The following TMEM120B variants were observed in gnomAD, a reference collection of about 807,000 sequenced individuals.
TMEM120B encodes the protein transmembrane protein 120B.
Under a neutral mutation model 55.5 loss-of-function variants are expected in TMEM120B, and 31 were observed. The observed-to-expected ratio is 0.56, with a 90% CI of 0.42 to 0.75. The LOEUF is 0.75. Ranked by LOEUF, TMEM120B falls within the 30% of genes least tolerant of loss-of-function variation. The pLI is 0.00. For synonymous variants in TMEM120B, 203 were observed against 176.3 expected (o/e 1.15, Z -1.20); for missense variants, 399 against 425.5 (o/e 0.94, Z 0.55).
In TMEM120B at chr12:121,779,656, T is replaced by C; in HGVS notation, c.*3934T>C. The stretch of plus-strand genomic sequence containing the variant: ...GCAGCTCGGATCTGTTCGCAGGCGC[T>C]CAGGCCCTGGGTGGGGGGAGGAGCC... On this transcript the variant is annotated 3_prime_UTR_variant, in exon 12 of 12. Coordinates refer to ENST00000449592, the MANE Select transcript of TMEM120B (RefSeq NM_001080825.2). 2 of 1,613,860 alleles carry C rather than the reference T, an allele frequency of 1.2e-6. No homozygotes were observed. The highest frequency in any genetic ancestry group is 2.2e-5 in the South Asian group (2 of 91,082).
At chr12:121,768,502 C>T (rs1335471361) in intron 6 of TMEM120B, among the ~76,000 whole-genome samples, 1 of 152,140 alleles carries the variant, frequency 6.6e-6, no homozygotes, top group African/African-American at 2.4e-5. Context: ...GTATGCGAGA[C>T]CCTGCCTGGA....
chr12:121,761,454 G>A (rs988340783), intron 5 of TMEM120B, among the ~76,000 whole-genome samples, 195 bp from the exon 6 acceptor site: 4 of 152,172 alleles, frequency 2.6e-5, no homozygotes, highest in Non-Finnish European at 4.4e-5. Context: ...AGGAGGTTCA[G>A]AGGCATTTGC....
At chr12:121,723,528 G>C (rs1417209174) in intron 1 of TMEM120B, among the ~76,000 whole-genome samples, 1 of 152,160 alleles carries the variant, frequency 6.6e-6, no homozygotes, top group Non-Finnish European at 1.5e-5. Context: ...AGTGGATGAA[G>C]GGGGCAGCAG....
intron 1 of TMEM120B, among the ~76,000 whole-genome samples, chr12:121,719,364 C>T (rs567420864): frequency 1.3e-5 from 2 of 152,182 alleles, no homozygotes; most frequent in East Asian, 1.9e-4. Flanking sequence ...GCAGGTAGAT[C>T]GCTTGAGCCC....
chr12:121,752,104 C>T lies in TMEM120B; in HGVS notation c.366-24C>T, dbSNP rs201812586. On this transcript the variant is annotated intron_variant, in intron 4 of 11. Coordinates refer to ENST00000449592, the MANE Select transcript of TMEM120B (RefSeq NM_001080825.2). ...GGAATAGTCATGGTAAGGGGCACACCCCTGGGCGTGTCTGTCGTGGCAGGT... is the reference window on the plus strand; with the variant it reads ...GGAATAGTCATGGTAAGGGGCACACTCCTGGGCGTGTCTGTCGTGGCAGGT... The T allele has an allele frequency of 3.8e-5, 61 of 1,599,412 alleles. 1 individual carries two copies. In the East Asian group the frequency reaches 1.3e-3, roughly 33 times the overall value.
chr12:121,754,658 G>T (rs1410075927), intron 5 of TMEM120B, among the ~76,000 whole-genome samples: 2 of 152,182 alleles, frequency 1.3e-5, no homozygotes, highest in Non-Finnish European at 2.9e-5. Context: ...TCCTTCCCTA[G>T]TGTAAGGACA....
chr12:121,747,154 T>A (rs899018972), intron 2 of TMEM120B, among the ~76,000 whole-genome samples: 4 of 151,882 alleles, frequency 2.6e-5, no homozygotes, highest in Admixed American at 2.6e-4. Context: ...GGCAGAGAGG[T>A]TTAAGGACTT....
Position 121,781,264 on chromosome 12 carries a change from G to C in TMEM120B, c.*5542G>C, listed in dbSNP as rs1874447889. 7.0e-7 allele frequency: 1 copy of C among 1,418,744 alleles called. No homozygotes were observed. The highest frequency in any genetic ancestry group is 2.3e-5 in the East Asian group (1 of 43,584). 87.9% of individuals were successfully genotyped at this position (1,418,744 alleles called of 1,614,324 possible). A position where few individuals can be genotyped will look rare whatever the true frequency, so the allele number is the denominator to read the frequency against. On this transcript the variant is annotated 3_prime_UTR_variant, in exon 12 of 12. Coordinates refer to ENST00000449592, the MANE Select transcript of TMEM120B (RefSeq NM_001080825.2). ...TGGACTCTGACGGGTGAAGGGGAAG[G>C]GGCCAGGCAAGTGACCCTGCCTTAG... is the stretch of plus-strand genomic sequence containing the variant.
chr12:121,730,991 A>T (rs1177352217), intron 1 of TMEM120B, among the ~76,000 whole-genome samples: 3 of 152,002 alleles, frequency 2.0e-5, no homozygotes, highest in African/African-American at 7.2e-5. Context: ...ATACTGTATG[A>T]TTCCACTTAC....
chr12:121,714,378 C>T (rs993684602), intron 1 of TMEM120B, among the ~76,000 whole-genome samples: 4 of 151,880 alleles, frequency 2.6e-5, no homozygotes, highest in Non-Finnish European at 5.9e-5. Context: ...GCCTCAGCCT[C>T]CTGAGTAGCT....
intron 5 of TMEM120B, among the ~76,000 whole-genome samples, chr12:121,755,176 G>A (rs1163761449): frequency 6.6e-6 from 1 of 152,182 alleles, no homozygotes; most frequent in Non-Finnish European, 1.5e-5. Context: ...CTCTTGGGAT[G>A]GTTTCCTGGC....
chr12:121,740,054 C>T (rs1025121554), intron 1 of TMEM120B, among the ~76,000 whole-genome samples: 3 of 152,042 alleles, frequency 2.0e-5, no homozygotes, highest in Non-Finnish European at 4.4e-5. Context: ...GTTGGGATTA[C>T]AGGCGTGAGC....
chr12:121,779,577 C>T lies in TMEM120B; in HGVS notation c.*3855C>T, dbSNP rs151204339. 23 of 1,614,028 alleles carry T rather than the reference C, an allele frequency of 1.4e-5. 1 individual carries two copies. The highest frequency in any genetic ancestry group is 6.6e-5 in the South Asian group (6 of 91,090). ...GCTGAGAGCCACCTTGGCGGCCTCC[C>T]GGAAGACGTCCTCCACATTCTCCCG... On this transcript the variant is annotated 3_prime_UTR_variant, in exon 12 of 12. Coordinates refer to ENST00000449592, the MANE Select transcript of TMEM120B (RefSeq NM_001080825.2).
At position 121,775,410 on chromosome 12, in the gene TMEM120B, C is replaced by T. The variant is rs1002681336; in HGVS notation, c.907-199C>T. ...AATCTGTGGATCCCAAGGAGGTTCG[C>T]CCCATCGAGCCCTTCCCAGGCCCTG... On this transcript the variant is annotated intron_variant, in intron 11 of 11. Transcript: ENST00000449592. The surrounding 1 kb of genome is among the most constrained non-coding windows in gnomAD (Gnocchi z 4.3). 2.0e-6 allele frequency: 2 copies of T among 984,060 alleles called. No individual in the cohort carries two copies. The highest frequency in any genetic ancestry group is 2.4e-6 in the Non-Finnish European group (2 of 828,788). The allele number at this position is 984,060 out of a possible 1,614,324, so 61.0% of individuals were successfully genotyped here. A position where few individuals can be genotyped will look rare whatever the true frequency, so the allele number is the denominator to read the frequency against.
rs972292051 is a variant in TMEM120B at position 121,779,603 on chromosome 12, A to G, written c.*3881A>G. 24 of 1,614,078 alleles carry G rather than the reference A, an allele frequency of 1.5e-5. No individual in the cohort carries two copies. Among genetic ancestry groups the G allele is most frequent in the Non-Finnish European group, 1.9e-5 (22 of 1,180,028 alleles). On this transcript the variant is annotated 3_prime_UTR_variant, in exon 12 of 12. Coordinates refer to ENST00000449592, the MANE Select transcript of TMEM120B (RefSeq NM_001080825.2). ...GGAAGACGTCCTCCACATTCTCCCGAAACTTGGCGGAACATTCCAGGTAGA... is the reference window on the plus strand; with the variant it reads ...GGAAGACGTCCTCCACATTCTCCCGGAACTTGGCGGAACATTCCAGGTAGA...
chr12:121,742,436 CAAAA>C (rs202109012), intron 1 of TMEM120B, among the ~76,000 whole-genome samples: 4 of 151,864 alleles, frequency 2.6e-5, no homozygotes, highest in South Asian at 2.1e-4. Context: ...CAAAACAAAA[CAAAA>C]AAAATCACTT....
At chr12:121,744,254 A>C (rs983987554) in intron 2 of TMEM120B, among the ~76,000 whole-genome samples, 1 of 152,086 alleles carries the variant, frequency 6.6e-6, no homozygotes, top group Non-Finnish European at 1.5e-5. Flanking sequence ...ACTTCAGCCG[A>C]CATTCTGGGT....
chr12:121,768,063 C>T (rs916975077), intron 6 of TMEM120B, among the ~76,000 whole-genome samples: 1 of 152,170 alleles, frequency 6.6e-6, no homozygotes, highest in African/African-American at 2.4e-5. Flanking sequence ...TGGCCAACTG[C>T]CTTTGCTGTC....
Position 121,779,477 on chromosome 12 carries a change from G to T in TMEM120B, c.*3755G>T, listed in dbSNP as rs757496655. ...GCCCCCGGGCCCTGTCAGTGCTGTC[G>T]TGAGGTCTGTCTGCCCTGGGTCAGA... On this transcript the variant is annotated 3_prime_UTR_variant, in exon 12 of 12. Transcript: ENST00000449592. The T allele has an allele frequency of 6.2e-7, 1 of 1,608,718 alleles. No homozygotes were observed.
Sources: allele counts gnomAD v4.1 joint callset (sites outside exome capture counted in the v4.1 genomes callset), GRCh38; gene constraint gnomAD v4.1.1; non-coding constraint Gnocchi (gnomAD v3.1); transcripts MANE v1.5; gene names NCBI Gene and HGNC (gene_info 2026-07-23, HGNC 2026-07-21).